Variants in STAT6 observed in about 807,000 individuals in gnomAD.
The protein encoded by STAT6 is signal transducer and activator of transcription 6, also known as STAT, interleukin4-induced.
In STAT6, 45 loss-of-function variants were observed where a neutral mutation model predicts 106.3. That is an observed-to-expected ratio of 0.42 (90% CI 0.33 to 0.54). The LOEUF (loss-of-function observed/expected upper bound fraction) is 0.54. STAT6 is among the 20% of genes least tolerant of loss of function. STAT6 has a pLI of 0.06. For synonymous variants in STAT6, 413 were observed against 413.6 expected, an observed-to-expected ratio of 1.00 and a Z score of 0.02; for missense variants, 797 against 1,062.2, an observed-to-expected ratio of 0.75 and a Z score of 3.47.
chr12:57,096,796 T>C, intron 21 of STAT6, 35 bp from the exon 22 acceptor site: 1 of 1,613,372 alleles, frequency 6.2e-7, no homozygotes, highest in South Asian at 1.1e-5. Context: ...GGAGTAGGCA[T>C]GGCGCCCACT....
chr12:57,110,881 G>A (rs2034543369), intron 1 of STAT6, among the ~76,000 whole-genome samples: 2 of 152,120 alleles, frequency 1.3e-5, no homozygotes, highest in Admixed American at 6.5e-5. Context: ...CATGGCCCTG[G>A]GGGTGCAGGG....
At chr12:57,097,852 A>G (rs561288789) in intron 19 of STAT6, among the ~76,000 whole-genome samples, 2 of 152,238 alleles carry the variant, frequency 1.3e-5, no homozygotes, top group African/African-American at 4.8e-5. Context: ...GGGAGCTAAG[A>G]TCGCACCACT....
At chr12:57,100,680 GAAAGAAAGAAAGAAAGAAAGAGAAAGAA>G (rs1203648729) in intron 13 of STAT6, among the ~76,000 whole-genome samples, 87 of 56,542 alleles carry the variant, frequency 1.5e-3, no homozygotes, top group Middle Eastern at 6.8e-3. Context: ...AAGAAAGAAA[GAAAGAAAGAAAGAAAGAAAGAGAAAGAA>G]AGAAAGAAAG....
Position 57,098,378 on chromosome 12 carries a change from T to A in STAT6, c.2159+127A>T, listed in dbSNP as rs973679789. On this transcript the variant is annotated intron_variant, in intron 19 of 21. Coordinates refer to ENST00000300134, the MANE Select transcript of STAT6 (RefSeq NM_003153.5). ...CTTAACTACTACCCCCTCATTAGAG[T>A]GGACAGAAGAGAAGAAGACAGGCTG... is the stretch of plus-strand genomic sequence containing the variant. The A allele has an allele frequency of 3.7e-4, 353 of 950,342 alleles. 2 individuals carry two copies. The highest frequency in any genetic ancestry group is 2.3e-4 in the Middle Eastern group (1 of 4,332). The allele number at this position is 950,342 out of a possible 1,614,324, so 58.9% of individuals were successfully genotyped here.
chr12:57,107,091 G>A lies in STAT6; in HGVS notation c.339+140C>T, dbSNP rs79728602. ...CTGAGCTTGACTTGGGGTTCACTCT[G>A]ACCCTAGGAACCTCCTTTGGTCATT... On this transcript the variant is annotated intron_variant, in intron 4 of 21. Transcript: ENST00000300134. 2.0e-4 allele frequency: 205 copies of A among 1,037,504 alleles called. 2 individuals carry two copies. The East Asian group carries it at 3.6e-3, about 18-fold the overall frequency. 64.3% of individuals were successfully genotyped at this position (1,037,504 alleles called of 1,614,324 possible). A position where few individuals can be genotyped will look rare whatever the true frequency, so the allele number is the denominator to read the frequency against.
rs930151539 is a variant in STAT6 at position 57,096,278 on chromosome 12, T to C, written c.*294A>G. 4 of 394,010 alleles carry C rather than the reference T, an allele frequency of 1.0e-5. No homozygotes were observed. The highest frequency in any genetic ancestry group is 9.2e-6 in the Non-Finnish European group (2 of 217,680). 24.4% of individuals were successfully genotyped at this position (394,010 alleles called of 1,614,324 possible). A position where few individuals can be genotyped will look rare whatever the true frequency, so the allele number is the denominator to read the frequency against. ...CCTCAGAGAGCTCTGTATGTGTGTG[T>C]GCGTGCGTGTGCGCGCTGCAGGTGC... On this transcript the variant is annotated 3_prime_UTR_variant, in exon 22 of 22. Coordinates refer to ENST00000300134, the MANE Select transcript of STAT6 (RefSeq NM_003153.5).
At chr12:57,102,728 C>G in intron 12 of STAT6, 101 bp downstream of exon 12, 1 of 1,062,330 alleles carries the variant, frequency 9.4e-7, no homozygotes. Flanking sequence ...TAAGGTCACA[C>G]CCATTTAAAC....
intron 1 of STAT6, among the ~76,000 whole-genome samples, 191 bp from the exon 2 acceptor site, chr12:57,108,490 A>C (rs1199278671): frequency 6.6e-6 from 1 of 152,232 alleles, no homozygotes; most frequent in African/African-American, 2.4e-5. Context: ...AGTGATAGAC[A>C]CAGGGGTGGG....
chr12:57,103,719 A>G (rs1287631181), intron 11 of STAT6: 1 of 152,184 alleles, frequency 6.6e-6, no homozygotes. Flanking sequence ...GGCCTGCACC[A>G]CCACGCCCAG....
At chr12:57,098,450 T>A in intron 19 of STAT6, 55 bp downstream of exon 19, 2 of 1,560,238 alleles carry the variant, frequency 1.3e-6, no homozygotes, top group Non-Finnish European at 1.8e-6. Flanking sequence ...TTCTAACAAT[T>A]CAAATGCCCA....
Position 57,107,495 on chromosome 12 carries a change from A to G in STAT6, c.255+110T>C, listed in dbSNP as rs1336706067. 1.2e-5 allele frequency: 17 copies of G among 1,439,446 alleles called. No individual in the cohort carries two copies. The East Asian group carries it at 3.6e-4, about 31-fold the overall frequency. The allele number at this position is 1,439,446 out of a possible 1,614,324, so 89.2% of individuals were successfully genotyped here. On this transcript the variant is annotated intron_variant, in intron 3 of 21. Transcript: ENST00000300134. The stretch of plus-strand genomic sequence containing the variant: ...TGCCTGCTAGCTAGCAGTTAACCAC[A>G]GGAACACCAATTTGCTTCCAGCATC...
chr12:57,109,220 A>T (rs1297901004), intron 1 of STAT6, among the ~76,000 whole-genome samples: 3 of 152,076 alleles, frequency 2.0e-5, no homozygotes, highest in Non-Finnish European at 4.4e-5. Context: ...TAAATAAATA[A>T]ATGAAATAAA....
intron 9 of STAT6, 70 bp from the exon 10 acceptor site, chr12:57,104,883 G>A (rs1043222951): frequency 2.0e-6 from 3 of 1,511,814 alleles, no homozygotes; most frequent in Non-Finnish European, 9.2e-7. Flanking sequence ...GCATGGGTGA[G>A]TGTAGACTAC....
rs527522628 is a variant in STAT6, at chr12:57,095,707, A to C, written c.*865T>G. 1.3e-5 allele frequency: 2 copies of C among 152,310 alleles called. No homozygotes were observed. Among genetic ancestry groups the C allele is most frequent in the Admixed American group, 1.3e-4 (2 of 15,304 alleles). 9.4% of individuals were successfully genotyped at this position (152,310 alleles called of 1,614,324 possible). On this transcript the variant is annotated 3_prime_UTR_variant, in exon 22 of 22. Transcript: ENST00000300134. ...CCCACTTGGGCACAGTCAGACTCCAAATTCAGAGTATTTGGGGGTTAGCAT... is the reference window on the plus strand; with the variant it reads ...CCCACTTGGGCACAGTCAGACTCCACATTCAGAGTATTTGGGGGTTAGCAT...
intron 13 of STAT6, among the ~76,000 whole-genome samples, chr12:57,101,892 T>C (rs1313320172): frequency 6.6e-6 from 1 of 152,150 alleles, no homozygotes; most frequent in African/African-American, 2.4e-5. Context: ...CTCAAACTCC[T>C]GACCTCAGGT....
chr12:57,101,765 A>G (rs2136587028), intron 13 of STAT6, among the ~76,000 whole-genome samples: 1 of 151,288 alleles, frequency 6.6e-6, no homozygotes, highest in South Asian at 2.1e-4. Flanking sequence ...CCTGGGTTCA[A>G]GCAATTCTCC....
chr12:57,098,672 T>C (rs1190633591), intron 18 of STAT6, 75 bp from the exon 19 acceptor site: 2 of 1,562,916 alleles, frequency 1.3e-6, no homozygotes, highest in African/African-American at 2.7e-5. Context: ...TGAACAGGTG[T>C]CCCTCTCATG....
chr12:57,104,559 G>T lies in STAT6; in HGVS notation c.1117C>A (p.Arg373=). 1 of 1,614,024 alleles carries T rather than the reference G, an allele frequency of 6.2e-7. No homozygotes were observed. The part of the protein sequence containing the change: ...LLLKKIKRCE[R]KGTESVTEEK... Reference sequence around the variant, plus strand: ...TCTGTGACAGACTCAGTGCCCTTCCGCTCACACCGCTTGATCTTCTTGAGA... The same window carrying T: ...TCTGTGACAGACTCAGTGCCCTTCCTCTCACACCGCTTGATCTTCTTGAGA... The change falls in exon 11 of 22, where the codon CGG becomes AGG. Residue 373 remains arginine, a synonymous_variant. Coordinates refer to ENST00000300134, the MANE Select transcript of STAT6 (RefSeq NM_003153.5).
rs772731524 is a variant in STAT6, at chr12:57,106,550, G to A, written c.509C>T (p.Ala170Val). 7 of 1,614,182 alleles carry A rather than the reference G, an allele frequency of 4.3e-6. No individual in the cohort carries two copies. The South Asian group carries it at 5.5e-5, about 13-fold the overall frequency. ...VSLHSLIETP[A>V]NGTGPSEALA... Reference sequence around the variant, plus strand: ...CACCTCACTTGGCCCAGTCCCATTAGCAGGAGTTTCTATCAAGCTGTGCAG... The same window carrying A: ...CACCTCACTTGGCCCAGTCCCATTAACAGGAGTTTCTATCAAGCTGTGCAG... Residue 170 changes from alanine to valine, a missense_variant, in exon 6 of 22, where the codon GCT becomes GTT. Coordinates refer to ENST00000300134, the MANE Select transcript of STAT6 (RefSeq NM_003153.5).
Sources: gnomAD v4.1 joint callset for allele counts (sites outside exome capture counted in the v4.1 genomes callset) on GRCh38, gnomAD v4.1.1 for gene constraint, MANE v1.5 for transcripts, NCBI Gene and HGNC (gene_info 2026-07-23, HGNC 2026-07-21) for gene names.